Variants in LDB2 observed in about 807,000 individuals in gnomAD.
LDB2 encodes the protein LIM domain-binding protein 2.
Under a neutral mutation model 44.3 loss-of-function variants are expected in LDB2, and 12 were observed. The observed-to-expected ratio is 0.27, with a 90% CI of 0.17 to 0.44. The LOEUF (loss-of-function observed/expected upper bound fraction) is 0.44, where lower values mean the gene tolerates loss of function less well. Among genes scored for constraint, LDB2 ranks in the 20% least tolerant of loss-of-function variants. LDB2 has a pLI of 1.00. For missense variants in LDB2, 344 were observed against 473.5 expected (o/e 0.73, Z 2.54); for synonymous variants, 164 against 174.8 (o/e 0.94, Z 0.49).
At chr4:16,722,435 T>G (rs1219278693) in intron 2 of LDB2, among the ~76,000 whole-genome samples, 1 of 152,132 alleles carries the variant, frequency 6.6e-6, no homozygotes, top group Non-Finnish European at 1.5e-5. Flanking sequence ...CTCAGGACCC[T>G]TTAGCTCCTT....
intron 2 of LDB2, among the ~76,000 whole-genome samples, chr4:16,608,739 T>C (rs949151408): frequency 1.6e-4 from 24 of 152,156 alleles, no homozygotes; most frequent in African/African-American, 5.3e-4. Context: ...GCTCCATTCC[T>C]AAAGATGAAT....
chr4:16,560,760 A>G (rs911641045), intron 5 of LDB2, among the ~76,000 whole-genome samples: 20 of 152,308 alleles, frequency 1.3e-4, no homozygotes, highest in Non-Finnish European at 2.4e-4. Context: ...CAGAGACACA[A>G]CCAAAAAAGA....
intron 5 of LDB2, among the ~76,000 whole-genome samples, chr4:16,551,049 A>C (rs1186016088): frequency 6.6e-6 from 1 of 152,236 alleles, no homozygotes. Flanking sequence ...TAAAAATCAG[A>C]TAATAAATAG....
At chr4:16,747,196 C>T (rs1764565925) in intron 2 of LDB2, among the ~76,000 whole-genome samples, 1 of 152,134 alleles carries the variant, frequency 6.6e-6, no homozygotes, top group Admixed American at 6.6e-5. Context: ...ATTAGTTTAA[C>T]AAGGTAATTA....
In LDB2 at chr4:16,853,496, G is replaced by A. The variant is rs950718064; in HGVS notation, c.132+44858C>T. Among the ~76,000 whole-genome samples, 5 of 152,190 alleles carry A rather than the reference G, an allele frequency of 3.3e-5. 1 individual carries two copies. The East Asian group carries it at 7.7e-4, about 23-fold the overall frequency. ...GTCAAAAGATAAATGGTGAGGATGT[G>A]GAGAAAAATGAATTCTTGTACACTG... On this transcript the variant is annotated intron_variant, in intron 1 of 7. Coordinates refer to ENST00000304523, the MANE Select transcript of LDB2 (RefSeq NM_001290.5).
intron 1 of LDB2, among the ~76,000 whole-genome samples, chr4:16,794,134 C>T (rs574642605): frequency 2.2e-4 from 33 of 152,212 alleles, no homozygotes; most frequent in African/African-American, 7.2e-4. Context: ...AGCTTACTAA[C>T]GACCTTAAAG....
intron 5 of LDB2, among the ~76,000 whole-genome samples, chr4:16,525,904 A>C (rs1215729159): frequency 1.3e-5 from 2 of 152,184 alleles, no homozygotes; most frequent in East Asian, 3.9e-4. Flanking sequence ...AATGGTTCGA[A>C]ATTGTGACTA....
At chr4:16,567,325 A>G (rs1019793817) in intron 5 of LDB2, among the ~76,000 whole-genome samples, 5 of 152,140 alleles carry the variant, frequency 3.3e-5, no homozygotes, top group African/African-American at 9.7e-5. Flanking sequence ...TATTGCTTTT[A>G]TAAAGAATGC....
chr4:16,834,993 G>A (rs1368939866), intron 1 of LDB2, among the ~76,000 whole-genome samples: 2 of 152,160 alleles, frequency 1.3e-5, no homozygotes, highest in African/African-American at 4.8e-5. Context: ...AATTCATAGA[G>A]GAAATACCTT....
intron 2 of LDB2, among the ~76,000 whole-genome samples, chr4:16,733,007 A>G (rs1046829584): frequency 6.6e-6 from 1 of 152,174 alleles, no homozygotes; most frequent in Non-Finnish European, 1.5e-5. Flanking sequence ...TCAAATCACA[A>G]TTGGGAGAAC....
intron 5 of LDB2, among the ~76,000 whole-genome samples, chr4:16,513,603 C>G (rs1722602346): frequency 6.6e-6 from 1 of 152,178 alleles, no homozygotes; most frequent in Non-Finnish European, 1.5e-5. Context: ...ACACTTCCAT[C>G]AGAATCAAAT....
chr4:16,653,293 C>A (rs534577698), intron 2 of LDB2, among the ~76,000 whole-genome samples: 1 of 152,268 alleles, frequency 6.6e-6, no homozygotes, highest in Middle Eastern at 3.4e-3. Flanking sequence ...CCACCGCCAG[C>A]CCTGCACAAG....
Position 16,649,414 on chromosome 4 carries a change from G to A in LDB2, c.236-53539C>T, listed in dbSNP as rs1052434000. ...ATTGGCATATGAGAGAGAGAGAGAT[G>A]AGAGAGAGAGAGAGAACTAAAGTGC... On this transcript the variant is annotated intron_variant, in intron 2 of 7. Transcript: ENST00000304523. Among the ~76,000 whole-genome samples, 9 of 145,776 alleles carry A rather than the reference G, an allele frequency of 6.2e-5. No individual in the cohort carries two copies. The South Asian group carries it at 1.9e-3, about 31-fold the overall frequency.
chr4:16,771,293 T>C (rs936306815), intron 1 of LDB2, among the ~76,000 whole-genome samples: 1 of 152,182 alleles, frequency 6.6e-6, no homozygotes, highest in Non-Finnish European at 1.5e-5. Flanking sequence ...AAACCCAGAA[T>C]ATTCTTGAAA....
chr4:16,529,321 T>A (rs1729339854), intron 5 of LDB2, among the ~76,000 whole-genome samples: 1 of 152,176 alleles, frequency 6.6e-6, no homozygotes, highest in Admixed American at 6.5e-5. Context: ...AATATGTGTC[T>A]GCCTCCCTAA....
chr4:16,860,629 A>C (rs142172499), intron 1 of LDB2, among the ~76,000 whole-genome samples: 1 of 152,378 alleles, frequency 6.6e-6, no homozygotes, highest in East Asian at 1.9e-4. Context: ...GGACTGAACA[A>C]AATAGGTGGT....
At chr4:16,832,369 A>C (rs1784223644) in intron 1 of LDB2, among the ~76,000 whole-genome samples, 1 of 152,222 alleles carries the variant, frequency 6.6e-6, no homozygotes, top group Non-Finnish European at 1.5e-5. Flanking sequence ...AAATAGGAGA[A>C]AAGGGAGAGG....
At chr4:16,532,721 C>T (rs1218963554) in intron 5 of LDB2, among the ~76,000 whole-genome samples, 1 of 152,184 alleles carries the variant, frequency 6.6e-6, no homozygotes, top group East Asian at 1.9e-4. Context: ...GTCTCCATGA[C>T]ACCTTGCTCC....
chr4:16,553,655 C>T (rs1455063082), intron 5 of LDB2, among the ~76,000 whole-genome samples: 1 of 152,182 alleles, frequency 6.6e-6, no homozygotes, highest in African/African-American at 2.4e-5. Flanking sequence ...GCTTCTTTTC[C>T]TATCAGTTAC....
Sources: allele counts gnomAD v4.1 joint callset (sites outside exome capture counted in the v4.1 genomes callset), GRCh38; gene constraint gnomAD v4.1.1; transcripts MANE v1.5; gene names NCBI Gene and HGNC (gene_info 2026-07-23, HGNC 2026-07-21).